The following TOP1MT variants were observed in gnomAD, a reference collection of about 807,000 sequenced individuals.
TOP1MT encodes the protein DNA topoisomerase I mitochondrial.
In TOP1MT, 80 loss-of-function variants were observed where a neutral mutation model predicts 73.9. The ratio of observed to expected loss-of-function variants is 1.08; its 90% CI spans 0.90 to 1.30. The LOEUF is 1.30. Among genes scored for constraint, TOP1MT ranks in the 50% most tolerant of loss-of-function variants. The pLI is 0.00. For missense variants in TOP1MT, 815 were observed against 808.0 expected (o/e 1.01, Z -0.10); for synonymous variants, 338 against 326.4 (o/e 1.04, Z -0.38).
chr8:143,314,551 G>A (rs1040949272), intron 12 of TOP1MT, among the ~76,000 whole-genome samples: 5 of 143,280 alleles, frequency 3.5e-5, no homozygotes, highest in Admixed American at 7.4e-5. Flanking sequence ...CTGAGACCGC[G>A]CCAGCGCACT....
At chr8:143,336,355 C>G (rs561321070), upstream of TOP1MT, among the ~76,000 whole-genome samples, 2 of 152,126 alleles carry the variant, frequency 1.3e-5, no homozygotes, top group East Asian at 3.9e-4. Flanking sequence ...TCAATAGATG[C>G]AGAAAAAGCA....
chr8:143,314,224 C>G (rs1816090545), intron 12 of TOP1MT, among the ~76,000 whole-genome samples: 1 of 152,160 alleles, frequency 6.6e-6, no homozygotes, highest in Non-Finnish European at 1.5e-5. Context: ...CACAAACCTC[C>G]TTGGCGGCCA....
At chr8:143,347,777 G>A (rs952013411), upstream of TOP1MT, among the ~76,000 whole-genome samples, 2 of 152,200 alleles carry the variant, frequency 1.3e-5, no homozygotes, top group Non-Finnish European at 2.9e-5. Context: ...AGCACAATGG[G>A]AGAGAGGGCA....
rs1371937698 is a variant in TOP1MT, at chr8:143,331,155, T to C, written c.238+69A>G. On this transcript the variant is annotated intron_variant, in intron 2 of 13. Transcript: ENST00000329245. ...AGGGGGGCTGAGGGAGCGAGCCAGA[T>C]GCCCACTGGGAGCCCACGCCCAGGG... is the stretch of plus-strand genomic sequence containing the variant. The C allele has an allele frequency of 2.4e-6, 3 of 1,259,906 alleles. No individual in the cohort carries two copies. The East Asian group carries it at 7.1e-5, about 30-fold the overall frequency. 78.0% of individuals were successfully genotyped at this position (1,259,906 alleles called of 1,614,324 possible). A position where few individuals can be genotyped will look rare whatever the true frequency, so the allele number is the denominator to read the frequency against.
rs1296687603 is a variant in TOP1MT at position 143,316,339 on chromosome 8, C to T, written c.1331-213G>A. 2.6e-5 allele frequency among the ~76,000 whole-genome samples: 4 copies of T among 152,334 alleles called. No individual in the cohort carries two copies. In the South Asian group the frequency reaches 8.3e-4, roughly 32 times the overall value. The stretch of plus-strand genomic sequence containing the variant: ...CTTTAACCACAGCAACAAGGCTTCA[C>T]GTGGGGCCACAGCACAGGTAGCACC... On this transcript the variant is annotated intron_variant, in intron 10 of 13. Transcript: ENST00000329245.
chr8:143,315,649 C>T (rs971212807), intron 12 of TOP1MT, 78 bp downstream of exon 12: 32 of 1,103,980 alleles, frequency 2.9e-5, no homozygotes, highest in Non-Finnish European at 4.1e-5. Context: ...GGGTCGTCTC[C>T]CACCGACCCT....
intron 12 of TOP1MT, among the ~76,000 whole-genome samples, chr8:143,315,251 G>A (rs977199680): frequency 2.6e-5 from 4 of 152,184 alleles, no homozygotes; most frequent in Non-Finnish European, 4.4e-5. Flanking sequence ...CTCCTAGTCT[G>A]CCTTCATGTT....
Position 143,324,567 on chromosome 8 carries a change from G to T in TOP1MT, c.734C>A (p.Thr245Asn). ...GGTCCAAGCTGCCAGCCACGTGACG[G>T]TGTTATCGGAGCGCACCTCCTTCCA... ...HQWKEVRSDNTVTWLAAWTES... is the reference protein window; with the variant it reads ...HQWKEVRSDNNVTWLAAWTES... The change falls in exon 6 of 14, where the codon ACC becomes AAC. Residue 245 changes from threonine to asparagine, a missense_variant. This residue lies in a region of TOP1MT where 751 missense variants were observed against 725.4 expected (regional missense o/e 1.04). Transcript: ENST00000329245. 6.2e-7 allele frequency: 1 copy of T among 1,613,816 alleles called. No homozygotes were observed. Among genetic ancestry groups the T allele is most frequent in the Non-Finnish European group, 8.5e-7 (1 of 1,180,010 alleles).
intron 2 of TOP1MT, among the ~76,000 whole-genome samples, chr8:143,330,877 G>A (rs1255585397): frequency 6.7e-6 from 1 of 150,158 alleles, no homozygotes; most frequent in Non-Finnish European, 1.5e-5. Context: ...TGTGATCCAT[G>A]TGTGTACACG....
intron 1 of TOP1MT, among the ~76,000 whole-genome samples, chr8:143,355,721 C>T (rs1817396493): frequency 6.6e-6 from 1 of 152,112 alleles, no homozygotes; most frequent in African/African-American, 2.4e-5. Flanking sequence ...GTGCAAGAGC[C>T]GGACCTCTGC....
intron 3 of TOP1MT, chr8:143,328,114 G>A: frequency 7.4e-6 from 3 of 404,448 alleles, no homozygotes; most frequent in South Asian, 5.4e-5. Flanking sequence ...AACGCAAATA[G>A]AAACTACAAA....
chr8:143,342,134 GTTA>G lies in TOP1MT; in HGVS notation c.29+1083_29+1085del, dbSNP rs754202197. Among the ~76,000 whole-genome samples the G allele has an allele frequency of 9.0e-4, 110 of 122,834 alleles. 1 individual carries two copies. The highest frequency in any genetic ancestry group is 2.0e-3 in the Admixed American group (26 of 12,906). The allele number at this position is 122,834 out of a possible 152,430, so 80.6% of individuals were successfully genotyped here. ...ATTATTAGAGACACAGTCTCGCTCTGTTATTATTATTATTATTAGAGACAGAGT... is the reference window on the plus strand; with the variant it reads ...ATTATTAGAGACACAGTCTCGCTCTGTTATTATTATTATTAGAGACAGAGT... On this transcript the variant is annotated intron_variant, in intron 2 of 5. Coordinates refer to the TOP1MT transcript ENST00000518007.
chr8:143,338,949 TCTTCCTCACAGCAGGTAG>T (rs1247235753), upstream of TOP1MT, among the ~76,000 whole-genome samples: 1 of 152,218 alleles, frequency 6.6e-6, no homozygotes, highest in Admixed American at 6.5e-5. Context: ...CTTCACGCAC[TCTTCCTCACAGCAGGTAG>T]GAGGACCCCT....
At chr8:143,321,138 C>T (rs1048663084) in intron 8 of TOP1MT, 63 bp downstream of exon 8, 10 of 1,478,998 alleles carry the variant, frequency 6.8e-6, no homozygotes, top group Non-Finnish European at 8.2e-6. Context: ...CTCCGGCACG[C>T]CCCCAGACAT....
rs183237560 is a variant in TOP1MT, at chr8:143,326,838, C to T, written c.361-494G>A. On this transcript the variant is annotated intron_variant, in intron 3 of 13. Transcript: ENST00000329245. The stretch of plus-strand genomic sequence containing the variant: ...CATACGTGCTGCTGCCACAAAATAC[C>T]GGGGACTGGTCAGTTGTAAATCATA... Among the ~76,000 whole-genome samples the T allele has an allele frequency of 3.6e-3, 553 of 152,282 alleles. 2 individuals carry two copies. Among genetic ancestry groups the T allele is most frequent in the African/African-American group, 0.012 (502 of 41,546 alleles).
chr8:143,346,953 C>CTTTCTTTCTTTA (rs112672257), upstream of TOP1MT, among the ~76,000 whole-genome samples: 1 of 140,860 alleles, frequency 7.1e-6, no homozygotes, highest in African/African-American at 2.6e-5. Flanking sequence ...AGCCTCACTT[C>CTTTCTTTCTTTA]TTTATTTATT....
At chr8:143,319,451 G>A (rs1471493759) in intron 8 of TOP1MT, among the ~76,000 whole-genome samples, 5 of 151,936 alleles carry the variant, frequency 3.3e-5, no homozygotes, top group South Asian at 2.1e-4. Context: ...TGGGCCTTGC[G>A]CCCAGCCTGA....
intron 12 of TOP1MT, among the ~76,000 whole-genome samples, chr8:143,311,606 C>A (rs1415838723): frequency 1.3e-5 from 2 of 152,140 alleles, no homozygotes; most frequent in African/African-American, 4.8e-5. Flanking sequence ...ATTAGCCAGG[C>A]ATGGTGCCGT....
At chr8:143,340,809 T>C (rs955294106) in intron 2 of TOP1MT, among the ~76,000 whole-genome samples, 4 of 152,238 alleles carry the variant, frequency 2.6e-5, no homozygotes, top group Non-Finnish European at 5.9e-5. Flanking sequence ...TGTCCCACTT[T>C]TGTGCCACTA....
Sources: gnomAD v4.1 joint callset for allele counts (sites outside exome capture counted in the v4.1 genomes callset) on GRCh38, gnomAD v4.1.1 for gene constraint, gnomAD v4.1.1 regional missense constraint, MANE v1.5 for transcripts, NCBI Gene and HGNC (gene_info 2026-07-23, HGNC 2026-07-21) for gene names.